The following EML6 variants were observed in gnomAD, a reference collection of about 807,000 sequenced individuals.
EML6 encodes the protein echinoderm microtubule-associated protein-like 6.
EML6 carries 154 observed loss-of-function variants against 240.1 expected under a neutral mutation model. The ratio of observed to expected loss-of-function variants is 0.64; its 90% CI spans 0.56 to 0.73. The LOEUF (loss-of-function observed/expected upper bound fraction) is 0.73. Among genes scored for constraint, EML6 ranks in the 30% least tolerant of loss-of-function variants. The pLI, the probability that EML6 is intolerant of heterozygous loss-of-function variation, is 0.00. For synonymous variants in EML6, 1,148 were observed against 899.0 expected, an observed-to-expected ratio of 1.28 and a Z score of -4.95; for missense variants, 2,964 against 2,474.6, an observed-to-expected ratio of 1.20 and a Z score of -4.20.
In EML6 at chr2:54,917,783, C is replaced by T. The variant is rs560814913; in HGVS notation, c.3675+848C>T. ...CCGAAGTCTCATTTTTTTTTCCAGC[C>T]TAACCTTTCTAGTTGCTTCAGCCAT... On this transcript the variant is annotated intron_variant, in intron 26 of 41. Transcript: ENST00000356458. 3.9e-5 allele frequency among the ~76,000 whole-genome samples: 6 copies of T among 152,138 alleles called. No individual in the cohort carries two copies. The South Asian group carries it at 6.2e-4, about 16-fold the overall frequency.
At chr2:54,800,458 A>G (rs1670070653) in intron 2 of EML6, among the ~76,000 whole-genome samples, 1 of 152,162 alleles carries the variant, frequency 6.6e-6, no homozygotes, top group Non-Finnish European at 1.5e-5. Flanking sequence ...CCTATTTTCA[A>G]TATAAGGACT....
At chr2:54,738,343 T>C (rs1262032696) in intron 2 of EML6, among the ~76,000 whole-genome samples, 1 of 152,226 alleles carries the variant, frequency 6.6e-6, no homozygotes, top group Non-Finnish European at 1.5e-5. Context: ...GACTTCTTTT[T>C]TGTACCCCCT....
intron 2 of EML6, among the ~76,000 whole-genome samples, chr2:54,741,068 T>A (rs1292162952): frequency 6.6e-6 from 1 of 152,150 alleles, no homozygotes; most frequent in African/African-American, 2.4e-5. Context: ...ACTCTGTAAA[T>A]GACAGTGCAG....
At chr2:54,965,069 C>A (rs1267425795) in intron 38 of EML6, among the ~76,000 whole-genome samples, 1 of 152,208 alleles carries the variant, frequency 6.6e-6, no homozygotes, top group Non-Finnish European at 1.5e-5. Context: ...TGTGCCGCTT[C>A]TGGTATTTAT....
chr2:54,859,411 C>T (rs547570044), intron 11 of EML6, 123 bp from the exon 12 acceptor site: 96 of 735,784 alleles, frequency 1.3e-4, no homozygotes, highest in South Asian at 5.0e-4. Context: ...ATATGTAAGA[C>T]GGAACATCGT....
chr2:54,918,208 C>G (rs1002831879), intron 26 of EML6, among the ~76,000 whole-genome samples: 2 of 152,174 alleles, frequency 1.3e-5, no homozygotes, highest in African/African-American at 4.8e-5. Flanking sequence ...CATTTTCTCT[C>G]CCTTGCAGCA....
chr2:54,858,599 A>T (rs551716627), intron 11 of EML6, among the ~76,000 whole-genome samples: 3 of 152,142 alleles, frequency 2.0e-5, no homozygotes, highest in African/African-American at 7.2e-5. Context: ...TTGAGACCCA[A>T]TGCTTCCTTT....
chr2:54,907,944 A>AT (rs1304112546), intron 24 of EML6, among the ~76,000 whole-genome samples: 1 of 16,694 alleles, frequency 6.0e-5, no homozygotes, highest in Non-Finnish European at 1.5e-4. Flanking sequence ...AGATAGATAG[A>AT]TAAGATAGAT....
intron 28 of EML6, among the ~76,000 whole-genome samples, chr2:54,933,755 C>A (rs1364519399): frequency 6.6e-6 from 1 of 151,900 alleles, no homozygotes; most frequent in Non-Finnish European, 1.5e-5. Flanking sequence ...AAAAAACCCA[C>A]TAAAAACCCC....
intron 7 of EML6, among the ~76,000 whole-genome samples, chr2:54,838,098 T>C (rs1184240112): frequency 6.6e-6 from 1 of 152,170 alleles, no homozygotes; most frequent in African/African-American, 2.4e-5. Flanking sequence ...AAAATTATAA[T>C]AGCAAATGAC....
At chr2:54,890,940 C>G in intron 17 of EML6, 114 bp from the exon 18 acceptor site, 1 of 479,848 alleles carries the variant, frequency 2.1e-6, no homozygotes, top group Non-Finnish European at 3.7e-6. Context: ...AAACCATTTT[C>G]TAATTTAATG....
At position 54,827,556 on chromosome 2, in the gene EML6, T is replaced by G. The variant is rs1558584021; in HGVS notation, c.526-10T>G. Reference sequence around the variant, plus strand: ...TATCTTGGAGATCTATTTTATCACTTACATTGTAGTTTTGGACACTGTGTG... The same window carrying G: ...TATCTTGGAGATCTATTTTATCACTGACATTGTAGTTTTGGACACTGTGTG... On this transcript the variant is annotated splice_polypyrimidine_tract_variant and intron_variant, in intron 5 of 41. Transcript: ENST00000356458. 1 of 1,549,416 alleles carries G rather than the reference T, an allele frequency of 6.5e-7. No homozygotes were observed. The highest frequency in any genetic ancestry group is 8.7e-7 in the Non-Finnish European group (1 of 1,145,194).
chr2:54,952,901 C>T (rs527679204), intron 31 of EML6, among the ~76,000 whole-genome samples: 15 of 152,232 alleles, frequency 9.9e-5, no homozygotes, highest in African/African-American at 3.1e-4. Flanking sequence ...GTCTGACCAG[C>T]GCCTGAGAGT....
rs1342584564 is a variant in EML6 at position 54,806,602 on chromosome 2, ACTCCGTCTCC to A, written c.198-6629_198-6620del. On this transcript the variant is annotated intron_variant, in intron 2 of 41. Coordinates refer to ENST00000356458, the MANE Select transcript of EML6 (RefSeq NM_001039753.4). ...CACTCCAGCCTGGGCAACAAGAGTG[ACTCCGTCTCC>A]AAAAAAAAAAAAAAAAAAAAAAAAA... is the stretch of plus-strand genomic sequence containing the variant. Among the ~76,000 whole-genome samples, 4 of 116,426 alleles carry A rather than the reference ACTCCGTCTCC, an allele frequency of 3.4e-5. No individual in the cohort carries two copies. In the East Asian group the frequency reaches 1.1e-3, roughly 32 times the overall value. The allele number at this position is 116,426 out of a possible 152,430, so 76.4% of individuals were successfully genotyped here.
Position 54,859,553 on chromosome 2 carries a change from T to C in EML6, c.1677T>C (p.Tyr559=). ...CLKRGAKFRK[Y]VGHSAHVTNV... ...TTTCAGGAGCCAAATTTAGAAAGTA[T>C]GTGGGCCATTCTGCACATGTCACAA... The change falls in exon 12 of 42, where the codon TAT becomes TAC. Residue 559 remains tyrosine, a synonymous_variant. Transcript: ENST00000356458. 1.3e-6 allele frequency: 2 copies of C among 1,550,648 alleles called. No individual in the cohort carries two copies. Among genetic ancestry groups the C allele is most frequent in the South Asian group, 1.2e-5 (1 of 83,678 alleles).
intron 24 of EML6, among the ~76,000 whole-genome samples, chr2:54,909,998 T>C (rs184499376): frequency 6.6e-6 from 1 of 152,186 alleles, no homozygotes; most frequent in Admixed American, 6.5e-5. Flanking sequence ...CTACTAGATA[T>C]ACATAGTTAT....
chr2:54,825,413 T>C (rs1668538667), intron 5 of EML6, among the ~76,000 whole-genome samples: 1 of 152,094 alleles, frequency 6.6e-6, no homozygotes, highest in Non-Finnish European at 1.5e-5. Context: ...TTATTACAGG[T>C]GTGTGCTACC....
rs1311266791 is a variant in EML6 at position 54,863,828 on chromosome 2, C to T, written c.1871C>T (p.Ser624Phe). The T allele has an allele frequency of 5.8e-6, 9 of 1,549,428 alleles. No individual in the cohort carries two copies. The highest frequency in any genetic ancestry group is 7.9e-6 in the Non-Finnish European group (9 of 1,145,968). Reference protein sequence around the residue: ...SYSEESDSDLSDVPELDSDIE... With the variant: ...SYSEESDSDLFDVPELDSDIE... ...AGTGAAGAATCTGATTCAGATTTAT[C>T]TGATGTGCCCGAACTGGACTCTGAT... The change falls in exon 13 of 42, where the codon TCT (serine) becomes TTT (phenylalanine). Residue 624 changes from serine to phenylalanine, a missense_variant. Coordinates refer to ENST00000356458, the MANE Select transcript of EML6 (RefSeq NM_001039753.4).
At position 54,759,803 on chromosome 2, in the gene EML6, CAAGAGTG is replaced by C. The variant is rs1011556385; in HGVS notation, c.197+34549_197+34555del. 7.9e-5 allele frequency among the ~76,000 whole-genome samples: 12 copies of C among 151,714 alleles called. 1 individual carries two copies. Among genetic ancestry groups the C allele is most frequent in the East Asian group, 5.8e-4 (3 of 5,186 alleles). On this transcript the variant is annotated intron_variant, in intron 2 of 41. Transcript: ENST00000356458. ...AATGTTAGGCTGTGCTAAGGTGATC[CAAGAGTG>C]AAGTTCGAGGTTGGACAAAATTAGA... is the stretch of plus-strand genomic sequence containing the variant.
Sources: allele counts gnomAD v4.1 joint callset (sites outside exome capture counted in the v4.1 genomes callset), GRCh38; gene constraint gnomAD v4.1.1; transcripts MANE v1.5; gene names NCBI Gene and HGNC (gene_info 2026-07-23, HGNC 2026-07-21).